EPHA7: variants seen among roughly 807,000 people sequenced by gnomAD.
The protein encoded by EPHA7 is EPH receptor A7, also known as ephrin type-A receptor 7.
Under a neutral mutation model 112.6 loss-of-function variants are expected in EPHA7, and 25 were observed. The ratio of observed to expected loss-of-function variants is 0.22; its 90% CI spans 0.16 to 0.31. The LOEUF (loss-of-function observed/expected upper bound fraction) is 0.31. Among genes scored for constraint, EPHA7 ranks in the 10% least tolerant of loss-of-function variants. The pLI is 1.00. For missense variants in EPHA7, 962 were observed against 1,212.6 expected, an observed-to-expected ratio of 0.79 and a Z score of 3.07; for synonymous variants, 437 against 406.5, an observed-to-expected ratio of 1.07 and a Z score of -0.90.
chr6:93,240,589 A>G lies in EPHA7; in HGVS notation c.*2837T>C. 1 of 218,546 alleles carries G rather than the reference A, an allele frequency of 4.6e-6. No individual in the cohort carries two copies. Among genetic ancestry groups the G allele is most frequent in the Non-Finnish European group, 9.2e-6 (1 of 108,820 alleles). The allele number at this position is 218,546 out of a possible 1,614,324, so 13.5% of individuals were successfully genotyped here. Reference sequence around the variant, plus strand: ...TAGAACAAGTTACTTTTATTTCAGTACTGAATGCAAAACACAGGTCAAGTG... The same window carrying G: ...TAGAACAAGTTACTTTTATTTCAGTGCTGAATGCAAAACACAGGTCAAGTG... On this transcript the variant is annotated 3_prime_UTR_variant, in exon 17 of 17. Transcript: ENST00000369303.
chr6:93,335,107 T>C (rs1774798196), intron 5 of EPHA7, among the ~76,000 whole-genome samples: 1 of 152,096 alleles, frequency 6.6e-6, no homozygotes, highest in East Asian at 1.9e-4. Context: ...TTTGGAGTAA[T>C]AACATATTCC....
chr6:93,269,959 A>C (rs1026253506), intron 6 of EPHA7, among the ~76,000 whole-genome samples: 1 of 151,758 alleles, frequency 6.6e-6, no homozygotes, highest in African/African-American at 2.4e-5. Context: ...AAAATATCCT[A>C]TTGGTCAAAC....
intron 5 of EPHA7, among the ~76,000 whole-genome samples, chr6:93,336,676 CA>C (rs1364685809): frequency 6.6e-6 from 1 of 152,016 alleles, no homozygotes; most frequent in African/African-American, 2.4e-5. Flanking sequence ...GCTGGGATTA[CA>C]GTCATGAGCC....
intron 3 of EPHA7, among the ~76,000 whole-genome samples, chr6:93,395,100 C>T (rs1469654594): frequency 6.6e-6 from 1 of 151,478 alleles, no homozygotes; most frequent in Non-Finnish European, 1.5e-5. Flanking sequence ...AAAATATAAT[C>T]CTTAGTAAGC....
chr6:93,257,288 T>C (rs1412793529), intron 12 of EPHA7, among the ~76,000 whole-genome samples, 174 bp downstream of exon 12: 1 of 152,146 alleles, frequency 6.6e-6, no homozygotes, highest in Non-Finnish European at 1.5e-5. Flanking sequence ...ATGCTCAAAA[T>C]ATTCTAGTTT....
At chr6:93,332,618 A>T (rs1774653081) in intron 5 of EPHA7, among the ~76,000 whole-genome samples, 1 of 151,724 alleles carries the variant, frequency 6.6e-6, no homozygotes, top group East Asian at 1.9e-4. Context: ...TTTATTGTGC[A>T]CATTGGATTA....
intron 5 of EPHA7, among the ~76,000 whole-genome samples, chr6:93,304,310 T>C (rs759848107): frequency 3.9e-5 from 6 of 151,974 alleles, no homozygotes; most frequent in Non-Finnish European, 7.4e-5. Context: ...CAGTTCTAGA[T>C]TGAAGACAGG....
intron 5 of EPHA7, among the ~76,000 whole-genome samples, chr6:93,354,079 C>T (rs973876923): frequency 2.0e-5 from 3 of 152,030 alleles, no homozygotes; most frequent in Non-Finnish European, 4.4e-5. Flanking sequence ...GATAACCAAC[C>T]AGAAATATAG....
intron 1 of EPHA7, among the ~76,000 whole-genome samples, chr6:93,416,234 T>C (rs1465300753): frequency 6.6e-6 from 1 of 152,228 alleles, no homozygotes; most frequent in Non-Finnish European, 1.5e-5. Context: ...AAGTAATTTT[T>C]AAAGTTTATT....
chr6:93,417,181 G>C (rs1779279080), intron 1 of EPHA7, among the ~76,000 whole-genome samples: 1 of 152,188 alleles, frequency 6.6e-6, no homozygotes, highest in East Asian at 1.9e-4. Flanking sequence ...CAACCCGAGA[G>C]AACGTGCACA....
At chr6:93,250,200 G>A (rs1770142078) in intron 14 of EPHA7, among the ~76,000 whole-genome samples, 1 of 152,048 alleles carries the variant, frequency 6.6e-6, no homozygotes, top group South Asian at 2.1e-4. Context: ...CGACCTTATA[G>A]AGCAGTTTGG....
intron 7 of EPHA7, 56 bp from the exon 8 acceptor site, chr6:93,264,758 G>C: frequency 9.9e-7 from 1 of 1,009,954 alleles, no homozygotes; most frequent in Non-Finnish European, 1.4e-6. Flanking sequence ...GAACTTGAAA[G>C]GTTAAATAAA....
chr6:93,338,829 C>A (rs186657932), intron 5 of EPHA7, among the ~76,000 whole-genome samples: 14 of 151,094 alleles, frequency 9.3e-5, no homozygotes, highest in Admixed American at 2.7e-4. Context: ...TGGAAGAGGT[C>A]CTGTAGTCTG....
intron 5 of EPHA7, among the ~76,000 whole-genome samples, chr6:93,310,994 T>C (rs1773505838): frequency 6.6e-6 from 1 of 151,876 alleles, no homozygotes; most frequent in Admixed American, 6.6e-5. Context: ...GTTTTTTGAG[T>C]GTCTTGCTAC....
At chr6:93,402,726 A>AT (rs558427611) in intron 3 of EPHA7, among the ~76,000 whole-genome samples, 258 of 152,088 alleles carry the variant, frequency 1.7e-3, no homozygotes, top group Middle Eastern at 0.014. Context: ...TCTTTCTGTT[A>AT]TTTTTTGTTT....
chr6:93,290,718 G>A (rs1457214237), intron 5 of EPHA7, among the ~76,000 whole-genome samples: 1 of 152,116 alleles, frequency 6.6e-6, no homozygotes, highest in Non-Finnish European at 1.5e-5. Flanking sequence ...ATGTTTGCTT[G>A]CTGAGATGTG....
At chr6:93,267,318 C>G (rs1770992239) in intron 7 of EPHA7, among the ~76,000 whole-genome samples, 1 of 151,588 alleles carries the variant, frequency 6.6e-6, no homozygotes, top group South Asian at 2.1e-4. Flanking sequence ...TTAACTTAAA[C>G]CTCAGAATGT....
intron 5 of EPHA7, among the ~76,000 whole-genome samples, chr6:93,339,945 C>T (rs764134527): frequency 3.3e-5 from 5 of 151,534 alleles, no homozygotes; most frequent in African/African-American, 4.8e-5. Context: ...CAATTATATT[C>T]GCCATATTCC....
At chr6:93,384,730 C>T (rs1025407003) in intron 3 of EPHA7, among the ~76,000 whole-genome samples, 1 of 152,120 alleles carries the variant, frequency 6.6e-6, no homozygotes, top group African/African-American at 2.4e-5. Flanking sequence ...AATTTATTCC[C>T]TCACTTTAAT....
Sources: gnomAD v4.1 joint callset for allele counts (sites outside exome capture counted in the v4.1 genomes callset) on GRCh38, gnomAD v4.1.1 for gene constraint, MANE v1.5 for transcripts, NCBI Gene and HGNC (gene_info 2026-07-23, HGNC 2026-07-21) for gene names.